The following ELOVL6 variants were observed in gnomAD, a reference collection of about 807,000 sequenced individuals.
ELOVL6 encodes the protein very long chain fatty acid elongase 6.
ELOVL6 carries 8 observed loss-of-function variants against 31.7 expected under a neutral mutation model. That is an observed-to-expected ratio of 0.25 (90% confidence interval 0.15 to 0.45). ELOVL6 has a LOEUF of 0.45. Among genes scored for constraint, ELOVL6 ranks in the 20% least tolerant of loss-of-function variants. The pLI is 1.00. For synonymous variants in ELOVL6, 101 were observed against 117.7 expected (o/e 0.86, Z 0.92); for missense variants, 126 against 326.4 (o/e 0.39, Z 4.73).
At chr4:110,186,633 G>A (rs374125420) in intron 1 of ELOVL6, among the ~76,000 whole-genome samples, 19 of 151,136 alleles carry the variant, frequency 1.3e-4, no homozygotes, top group East Asian at 3.9e-4. Flanking sequence ...GTAAAACCCT[G>A]TCTCTACTAA....
At chr4:110,186,304 T>A (rs1051353471) in intron 1 of ELOVL6, among the ~76,000 whole-genome samples, 1 of 152,270 alleles carries the variant, frequency 6.6e-6, no homozygotes, top group African/African-American at 2.4e-5. Context: ...CTATCATCTA[T>A]AACCTTCTCT....
rs551890682 is a variant in ELOVL6 at position 110,051,894 on chromosome 4, G to C, written c.374-132C>G. ...ATAGACTGGATTAGAACCCTGAACT[G>C]GTACTTACTAGCTCTGTGACCCTGG... is the stretch of plus-strand genomic sequence containing the variant. On this transcript the variant is annotated intron_variant, in intron 3 of 3. Coordinates refer to ENST00000302274, the MANE Select transcript of ELOVL6 (RefSeq NM_024090.3). The surrounding 1 kb of genome is among the most constrained non-coding windows in gnomAD (Gnocchi z 4.8). The C allele has an allele frequency of 9.9e-6, 7 of 704,148 alleles. No homozygotes were observed. In the South Asian group the frequency reaches 1.3e-4, roughly 13 times the overall value. 43.6% of individuals were successfully genotyped at this position (704,148 alleles called of 1,614,324 possible).
At chr4:110,079,347 T>C (rs1311072004) in intron 2 of ELOVL6, among the ~76,000 whole-genome samples, 1 of 152,138 alleles carries the variant, frequency 6.6e-6, no homozygotes, top group East Asian at 1.9e-4. Context: ...GAAGTAAAGC[T>C]CTCCTCAGCA....
At position 110,113,350 on chromosome 4, in the gene ELOVL6, C is replaced by T. The variant is rs185162965; in HGVS notation, c.90-7722G>A. Among the ~76,000 whole-genome samples the T allele has an allele frequency of 2.6e-3, 398 of 152,024 alleles. 4 individuals are homozygous for T. Among genetic ancestry groups the T allele is most frequent in the Admixed American group, 0.02 (302 of 15,272 alleles). ...ATCCCAATGCTTTGGGAGGGCAAGG[C>T]GGGAATATTACTTGTCCCAGGAGTT... On this transcript the variant is annotated intron_variant, in intron 1 of 3. Transcript: ENST00000302274.
intron 3 of ELOVL6, among the ~76,000 whole-genome samples, chr4:110,058,777 GA>G (rs993378004): frequency 4.6e-5 from 7 of 151,694 alleles, no homozygotes; most frequent in Admixed American, 1.3e-4. Context: ...AATTGCAGGT[GA>G]AAAAAAACCC....
At chr4:110,133,242 GA>G (rs144770260) in intron 1 of ELOVL6, among the ~76,000 whole-genome samples, 343 of 152,276 alleles carry the variant, frequency 2.3e-3, no homozygotes, top group African/African-American at 7.9e-3. Context: ...CTGATAAGAA[GA>G]GTGTTCTATT....
At chr4:110,061,548 G>GTTTTTTT (rs778616602) in intron 2 of ELOVL6, among the ~76,000 whole-genome samples, 7 of 85,728 alleles carry the variant, frequency 8.2e-5, no homozygotes, top group Admixed American at 1.5e-4. Context: ...CCAAATGATG[G>GTTTTTTT]CTTTTTTTTT....
chr4:110,157,931 A>C (rs373894579), intron 1 of ELOVL6, among the ~76,000 whole-genome samples: 9 of 152,356 alleles, frequency 5.9e-5, no homozygotes, highest in African/African-American at 2.2e-4. Flanking sequence ...TTGACAGGGC[A>C]AATCCTTTTC....
chr4:110,132,496 G>A (rs7689036), intron 1 of ELOVL6, among the ~76,000 whole-genome samples: 81,527 of 151,632 alleles, frequency 0.54, 22,878 homozygotes, highest in African/African-American at 0.7. Context: ...TGATTTGTGG[G>A]TGGTCAGTGT....
intron 2 of ELOVL6, among the ~76,000 whole-genome samples, chr4:110,103,490 G>T (rs1440704511): frequency 2.0e-5 from 3 of 151,710 alleles, no homozygotes; most frequent in South Asian, 2.1e-4. Context: ...TATAGACAAA[G>T]AATCAAGCAT....
intron 2 of ELOVL6, among the ~76,000 whole-genome samples, chr4:110,104,522 T>C (rs1756833548): frequency 6.6e-6 from 1 of 152,210 alleles, no homozygotes; most frequent in Admixed American, 6.5e-5. Flanking sequence ...TAATAAGCTT[T>C]AAGTAACTAA....
chr4:110,099,974 T>C (rs527359621), intron 2 of ELOVL6, among the ~76,000 whole-genome samples: 1 of 152,316 alleles, frequency 6.6e-6, no homozygotes, highest in South Asian at 2.1e-4. Flanking sequence ...CATCTAAAAG[T>C]CTTACTGATT....
chr4:110,063,890 CA>C (rs1276622395), intron 2 of ELOVL6, among the ~76,000 whole-genome samples: 1 of 151,718 alleles, frequency 6.6e-6, no homozygotes, highest in Admixed American at 6.5e-5. Context: ...CCAGCCTGGC[CA>C]ACACGGTGAA....
At chr4:110,142,589 A>G (rs62326598) in intron 1 of ELOVL6, among the ~76,000 whole-genome samples, 9 of 152,358 alleles carry the variant, frequency 5.9e-5, no homozygotes, top group Non-Finnish European at 8.8e-5. Context: ...TGGAATAACC[A>G]GGAAGTTGAA....
At chr4:110,180,689 G>A (rs988759323) in intron 1 of ELOVL6, among the ~76,000 whole-genome samples, 1 of 152,166 alleles carries the variant, frequency 6.6e-6, no homozygotes, top group African/African-American at 2.4e-5. Flanking sequence ...TGGGATTACA[G>A]GCATGAGCCA....
At chr4:110,061,118 G>A (rs1274211239) in intron 2 of ELOVL6, among the ~76,000 whole-genome samples, 1 of 152,152 alleles carries the variant, frequency 6.6e-6, no homozygotes, top group Non-Finnish European at 1.5e-5. Flanking sequence ...GAGGATTACT[G>A]TCATTTTACA....
intron 2 of ELOVL6, among the ~76,000 whole-genome samples, chr4:110,093,741 T>A (rs1756486453): frequency 6.6e-6 from 1 of 152,046 alleles, no homozygotes; most frequent in Admixed American, 6.6e-5. Flanking sequence ...ACTGCCCTCA[T>A]GGAACATAGA....
At chr4:110,059,488 T>A in intron 3 of ELOVL6, 115 bp downstream of exon 3, 1 of 1,096,332 alleles carries the variant, frequency 9.1e-7, no homozygotes, top group South Asian at 1.9e-5. Context: ...TCATTCATTG[T>A]AACTTTCTTG....
chr4:110,068,450 C>T (rs1755368857), intron 2 of ELOVL6, among the ~76,000 whole-genome samples: 1 of 152,170 alleles, frequency 6.6e-6, no homozygotes, highest in Non-Finnish European at 1.5e-5. Context: ...AGAGTGCACT[C>T]TACGGCTGCT....
Sources: allele counts gnomAD v4.1 joint callset (sites outside exome capture counted in the v4.1 genomes callset), GRCh38; gene constraint gnomAD v4.1.1; non-coding constraint Gnocchi (gnomAD v3.1); transcripts MANE v1.5; gene names NCBI Gene and HGNC (gene_info 2026-07-23, HGNC 2026-07-21).